The following REV3L variants were observed in gnomAD, a reference collection of about 807,000 sequenced individuals.
The protein encoded by REV3L is REV3 like, DNA directed polymerase zeta catalytic subunit, also known as DNA polymerase zeta catalytic subunit.
Under a neutral mutation model 299.4 loss-of-function variants are expected in REV3L, and 69 were observed. The ratio of observed to expected loss-of-function variants is 0.23; its 90% CI spans 0.19 to 0.28. REV3L has a LOEUF of 0.28. Ranked by LOEUF, REV3L falls within the 10% of genes least tolerant of loss-of-function variation. The pLI, the probability that REV3L is intolerant of heterozygous loss-of-function variation, is 1.00. For missense variants in REV3L, 3,128 were observed against 3,693.8 expected (o/e 0.85, Z 3.97); for synonymous variants, 1,238 against 1,271.4 (o/e 0.97, Z 0.56).
rs374899277 is a variant in REV3L, at chr6:111,392,881, T to C, written c.657A>G (p.Ile219Met). The change falls in exon 5 of 32, where the codon ATA becomes ATG. Residue 219 changes from isoleucine (I) to methionine (M), a missense_variant. Physicochemically the swap from Ile to Met is conservative, Grantham distance 10. Around this residue, in one of 9 missense-constraint regions of REV3L, gnomAD observed 2,409 missense variants for 2,611.8 expected, o/e 0.92. Coordinates refer to ENST00000368802, the MANE Select transcript of REV3L (RefSeq NM_001372078.1). ...CCTTTACAACATTAACTAACCTTGGTATTTCATCTTGTTCCCACCGAAATA... is the reference window on the plus strand; with the variant it reads ...CCTTTACAACATTAACTAACCTTGGCATTTCATCTTGTTCCCACCGAAATA... ...DTLFRWEQDE[I>M]PSSLILEGVE... The C allele has an allele frequency of 4.0e-5, 64 of 1,596,738 alleles. No homozygotes were observed. Among genetic ancestry groups the C allele is most frequent in the Non-Finnish European group, 5.4e-5 (63 of 1,164,518 alleles).
At chr6:111,405,949 A>C (rs1783571090) in intron 3 of REV3L, among the ~76,000 whole-genome samples, 2 of 152,204 alleles carry the variant, frequency 1.3e-5, no homozygotes, top group African/African-American at 4.8e-5. Context: ...TTTTGAAAAG[A>C]TTAATATTCA....
rs1773404322 is a variant in REV3L at position 111,315,393 on chromosome 6, A to G, written c.8352-12T>C. Reference sequence around the variant, plus strand: ...GTAGCACAAACATACTAAGGGGATTAAAAATAAAGTAAGGTAATGAGGAAG... The same window carrying G: ...GTAGCACAAACATACTAAGGGGATTGAAAATAAAGTAAGGTAATGAGGAAG... On this transcript the variant is annotated splice_polypyrimidine_tract_variant and intron_variant, in intron 26 of 31. Coordinates refer to ENST00000368802, the MANE Select transcript of REV3L (RefSeq NM_001372078.1). The G allele has an allele frequency of 1.2e-6, 2 of 1,602,578 alleles. No individual in the cohort carries two copies. The highest frequency in any genetic ancestry group is 1.7e-6 in the Non-Finnish European group (2 of 1,171,142).
At chr6:111,462,785 C>A (rs1790954725) in intron 1 of REV3L, among the ~76,000 whole-genome samples, 1 of 151,998 alleles carries the variant, frequency 6.6e-6, no homozygotes, top group African/African-American at 2.4e-5. Flanking sequence ...ATTTAAAATT[C>A]TTATGACGAA....
intron 18 of REV3L, among the ~76,000 whole-genome samples, chr6:111,355,118 T>A (rs1434536520): frequency 6.6e-6 from 1 of 152,116 alleles, no homozygotes; most frequent in Non-Finnish European, 1.5e-5. Context: ...GTGACAAGAT[T>A]ATAGATGAGG....
Position 111,372,598 on chromosome 6 carries a change from G to A in REV3L, c.5757C>T (p.Pro1919=). 1.4e-6 allele frequency: 2 copies of A among 1,478,186 alleles called. No individual in the cohort carries two copies. Among genetic ancestry groups the A allele is most frequent in the Non-Finnish European group, 1.8e-6 (2 of 1,114,874 alleles). The allele number at this position is 1,478,186 out of a possible 1,614,324, so 91.6% of individuals were successfully genotyped here. The change falls in exon 13 of 32, where the codon CCC becomes CCT. Residue 1919 remains proline (P), a splice_region_variant and synonymous_variant. Coordinates refer to ENST00000368802, the MANE Select transcript of REV3L (RefSeq NM_001372078.1). ...CAAGGGAAAAAATAACTGATTACCTGGGCTTTTCTGGTACATCAGAAGGAT... is the reference window on the plus strand; with the variant it reads ...CAAGGGAAAAAATAACTGATTACCTAGGCTTTTCTGGTACATCAGAAGGAT... ...CSNPSDVPEK[P]REIGGRLLMV... is the part of the protein sequence containing the mutation.
In REV3L at chr6:111,367,766, C is replaced by T. The variant is rs190567137; in HGVS notation, c.6022G>A (p.Val2008Met). 2.5e-6 allele frequency: 4 copies of T among 1,614,194 alleles called. No homozygotes were observed. Among genetic ancestry groups the T allele is most frequent in the Admixed American group, 1.7e-5 (1 of 60,022 alleles). ...KCAPSRQLVQVWLQAKEEYER... is the reference protein window; with the variant it reads ...KCAPSRQLVQMWLQAKEEYER... ...TATTCTTCTTTGGCTTGAAGCCACA[C>T]TTGAACCAGTTGTCGACTTGGGGCA... Residue 2008 changes from valine to methionine, a missense_variant, in exon 14 of 32, where the codon GTG (valine) becomes ATG (methionine). Val to Met is a conservative substitution (Grantham distance 21, BLOSUM62 1). Around this residue, in one of 9 missense-constraint regions of REV3L, gnomAD observed 2,409 missense variants for 2,611.8 expected, o/e 0.92. Transcript: ENST00000368802.
At chr6:111,355,598 A>G (rs1342025837) in intron 18 of REV3L, among the ~76,000 whole-genome samples, 1 of 152,164 alleles carries the variant, frequency 6.6e-6, no homozygotes, top group African/African-American at 2.4e-5. Context: ...GACATTTAAG[A>G]AAGTTATTAT....
intron 15 of REV3L, among the ~76,000 whole-genome samples, 184 bp from the exon 16 acceptor site, chr6:111,364,162 T>C (rs571510352): frequency 4.6e-5 from 7 of 152,264 alleles, no homozygotes; most frequent in Non-Finnish European, 8.8e-5. Flanking sequence ...AACAAAGATA[T>C]CAGAACTGGA....
chr6:111,481,204 T>A lies in REV3L; in HGVS notation c.139+1546A>T, dbSNP rs377542834. Among the ~76,000 whole-genome samples, 5 of 152,326 alleles carry A rather than the reference T, an allele frequency of 3.3e-5. No individual in the cohort carries two copies. The East Asian group carries it at 7.7e-4, about 23-fold the overall frequency. The stretch of plus-strand genomic sequence containing the variant: ...GCATGTCACTTTATGATTCGGAAAT[T>A]TGGCTGAACAGGGCCATATCAACTT... On this transcript the variant is annotated intron_variant, in intron 1 of 31. Coordinates refer to ENST00000368802, the MANE Select transcript of REV3L (RefSeq NM_001372078.1).
At chr6:111,471,249 C>CTT (rs879939727) in intron 1 of REV3L, among the ~76,000 whole-genome samples, 2 of 146,066 alleles carry the variant, frequency 1.4e-5, no homozygotes, top group East Asian at 4.0e-4. Context: ...GTTCTATCAC[C>CTT]TTTTTTTTTT....
At position 111,337,444 on chromosome 6, in the gene REV3L, G is replaced by A. The variant is rs188493160; in HGVS notation, c.7539-1834C>T. 3.9e-3 allele frequency among the ~76,000 whole-genome samples: 586 copies of A among 152,016 alleles called. 4 individuals carry two copies. Among genetic ancestry groups the A allele is most frequent in the Non-Finnish European group, 4.4e-3 (302 of 67,966 alleles). Reference sequence around the variant, plus strand: ...TTGTATAATGATAACATATTTAATCGAAACACTTACTGAATATCTTTTATT... The same window carrying A: ...TTGTATAATGATAACATATTTAATCAAAACACTTACTGAATATCTTTTATT... On this transcript the variant is annotated intron_variant, in intron 21 of 31. Transcript: ENST00000368802.
In REV3L at chr6:111,300,105, G is replaced by A; in HGVS notation, c.9304C>T (p.Leu3102=). The A allele has an allele frequency of 6.2e-7, 1 of 1,613,474 alleles. No individual in the cohort carries two copies. The highest frequency in any genetic ancestry group is 8.5e-7 in the Non-Finnish European group (1 of 1,179,708). Residue 3102 remains leucine (L), a synonymous_variant, in exon 32 of 32, where the codon CTG becomes TTG. Coordinates refer to ENST00000368802, the MANE Select transcript of REV3L (RefSeq NM_001372078.1). ...AGTTTGAAAAGTACTGGGCAGTTCAGAGAAACACATGGGATGTGTCGATCA... is the reference window on the plus strand; with the variant it reads ...AGTTTGAAAAGTACTGGGCAGTTCAAAGAAACACATGGGATGTGTCGATCA... ...CFDRHIPCVS[L]NCPVLFKLSR...
At chr6:111,343,493 T>A (rs1254241009) in intron 21 of REV3L, among the ~76,000 whole-genome samples, 1 of 152,170 alleles carries the variant, frequency 6.6e-6, no homozygotes. Flanking sequence ...ACAAGATAAA[T>A]GCATTTTTCA....
At chr6:111,436,770 G>T (rs1787603014) in intron 1 of REV3L, among the ~76,000 whole-genome samples, 1 of 152,238 alleles carries the variant, frequency 6.6e-6, no homozygotes, top group African/African-American at 2.4e-5. Flanking sequence ...AAAATAGCTA[G>T]AAGAGAATAA....
intron 25 of REV3L, among the ~76,000 whole-genome samples, chr6:111,325,226 A>G (rs1774650435): frequency 6.6e-6 from 1 of 152,242 alleles, no homozygotes; most frequent in Non-Finnish European, 1.5e-5. Flanking sequence ...CATAAAAAGG[A>G]AGAAATAAAG....
chr6:111,450,622 C>T (rs1171699357), intron 1 of REV3L, among the ~76,000 whole-genome samples: 1 of 138,798 alleles, frequency 7.2e-6, no homozygotes, highest in Non-Finnish European at 1.6e-5. Flanking sequence ...CAAAACAAAA[C>T]AAAAAAGGTA....
intron 9 of REV3L, among the ~76,000 whole-genome samples, chr6:111,382,506 T>A (rs383022): frequency 0.59 from 90,200 of 151,928 alleles, 31,488 homozygotes; most frequent in Non-Finnish European, 0.79. Context: ...AGCGACACGG[T>A]ATAGAATTTA....
At chr6:111,315,854 A>C (rs777919430) in intron 26 of REV3L, among the ~76,000 whole-genome samples, 9 of 152,224 alleles carry the variant, frequency 5.9e-5, no homozygotes, top group Non-Finnish European at 1.2e-4. Flanking sequence ...CTAATGCTTG[A>C]TGATCTGAGG....
intron 31 of REV3L, among the ~76,000 whole-genome samples, chr6:111,300,634 AAATT>A (rs1159944943): frequency 2.0e-5 from 3 of 152,242 alleles, no homozygotes; most frequent in Non-Finnish European, 2.9e-5. Context: ...TTAGTTCCCC[AAATT>A]AATACTTTCA....
Sources: allele counts gnomAD v4.1 joint callset (sites outside exome capture counted in the v4.1 genomes callset), GRCh38; gene constraint gnomAD v4.1.1; regional missense constraint gnomAD v4.1.1; transcripts MANE v1.5; gene names NCBI Gene and HGNC (gene_info 2026-07-23, HGNC 2026-07-21).